Variants in RNF123 observed in about 807,000 individuals in gnomAD.
The protein encoded by RNF123 is E3 ubiquitin-protein ligase RNF123.
Under a neutral mutation model 168.5 loss-of-function variants are expected in RNF123, and 86 were observed. The ratio of observed to expected loss-of-function variants is 0.51; its 90% CI spans 0.43 to 0.61. The LOEUF is 0.61. Ranked by LOEUF, RNF123 falls within the 20% of genes least tolerant of loss-of-function variation. The pLI is 0.00. For missense variants in RNF123, 1,419 were observed against 1,729.7 expected, an observed-to-expected ratio of 0.82 and a Z score of 3.19; for synonymous variants, 666 against 689.1, an observed-to-expected ratio of 0.97 and a Z score of 0.52.
intron 31 of RNF123, among the ~76,000 whole-genome samples, chr3:49,715,259 T>C (rs1259426128): frequency 1.3e-5 from 2 of 152,236 alleles, no homozygotes; most frequent in Non-Finnish European, 2.9e-5. Flanking sequence ...TGACCCTATC[T>C]GAAGGGTGTG....
At position 49,716,512 on chromosome 3, in the gene RNF123, T is replaced by C. The variant is rs745931948; in HGVS notation, c.3500+35T>C. On this transcript the variant is annotated intron_variant, in intron 35 of 38. Coordinates refer to ENST00000327697, the MANE Select transcript of RNF123 (RefSeq NM_022064.5). ...GGGGACCGTGGGCCCCTGTGGGAGT[T>C]GGGTGTGTCTGGTGAGGAGGGGCTG... The C allele has an allele frequency of 9.5e-6, 15 of 1,579,568 alleles. No individual in the cohort carries two copies. In the Admixed American group the frequency reaches 2.0e-4, roughly 21 times the overall value.
In RNF123 at chr3:49,712,828, C is replaced by T. The variant is rs77208503; in HGVS notation, c.2674+172C>T. The T allele has an allele frequency of 6.6e-3, 5,042 of 763,792 alleles. 174 individuals carry two copies. The African/African-American group carries it at 0.074, about 11-fold the overall frequency. 47.3% of individuals were successfully genotyped at this position (763,792 alleles called of 1,614,324 possible). A position where few individuals can be genotyped will look rare whatever the true frequency, so the allele number is the denominator to read the frequency against. On this transcript the variant is annotated intron_variant, in intron 27 of 38. Coordinates refer to ENST00000327697, the MANE Select transcript of RNF123 (RefSeq NM_022064.5). ...CAGCAAACAAACGTCTGCACCCTGCCCTGGGACCTGCAGCCACAGAGCCAA... is the reference window on the plus strand; with the variant it reads ...CAGCAAACAAACGTCTGCACCCTGCTCTGGGACCTGCAGCCACAGAGCCAA...
intron 35 of RNF123, chr3:49,719,506 G>T: frequency 6.6e-7 from 1 of 1,524,992 alleles, no homozygotes; most frequent in South Asian, 1.2e-5. Context: ...GCTCTGTGCA[G>T]GTTGCAGTTC....
At chr3:49,706,631 T>C (rs1575531351) in intron 25 of RNF123, among the ~76,000 whole-genome samples, 160 bp from the exon 26 acceptor site, 1 of 152,156 alleles carries the variant, frequency 6.6e-6, no homozygotes, top group Non-Finnish European at 1.5e-5. Context: ...TGGCTCAGGG[T>C]CACCAGAGGG....
rs2080362071 is a variant in RNF123, at chr3:49,720,048, G to C, written c.3501-463G>C. 1.9e-5 allele frequency: 3 copies of C among 159,806 alleles called. No individual in the cohort carries two copies. In the South Asian group the frequency reaches 5.3e-4, roughly 28 times the overall value. 9.9% of individuals were successfully genotyped at this position (159,806 alleles called of 1,614,324 possible). A position where few individuals can be genotyped will look rare whatever the true frequency, so the allele number is the denominator to read the frequency against. Reference sequence around the variant, plus strand: ...GTGGTACCCCAGGCCGGGCGCGGTGGCTCACGCCTGTAATCCCAGCACTTT... The same window carrying C: ...GTGGTACCCCAGGCCGGGCGCGGTGCCTCACGCCTGTAATCCCAGCACTTT... On this transcript the variant is annotated intron_variant, in intron 35 of 38. Transcript: ENST00000327697.
At chr3:49,698,358 T>C in intron 7 of RNF123, 82 bp from the exon 8 acceptor site, 1 of 1,173,024 alleles carries the variant, frequency 8.5e-7, no homozygotes, top group Non-Finnish European at 1.3e-6. Flanking sequence ...TAGAGCCATA[T>C]GCATCCAAGG....
At chr3:49,706,665 A>G in intron 25 of RNF123, 126 bp from the exon 26 acceptor site, 1 of 785,826 alleles carries the variant, frequency 1.3e-6, no homozygotes, top group Non-Finnish European at 2.1e-6. Flanking sequence ...AAGGTTTTGA[A>G]AAATGGAGCC....
At position 49,701,406 on chromosome 3, in the gene RNF123, T is replaced by C. The variant is rs2054381023; in HGVS notation, c.1278-85T>C. 4.8e-6 allele frequency: 5 copies of C among 1,049,136 alleles called. No homozygotes were observed. In the East Asian group the frequency reaches 7.1e-5, roughly 15 times the overall value. 65.0% of individuals were successfully genotyped at this position (1,049,136 alleles called of 1,614,324 possible). On this transcript the variant is annotated intron_variant, in intron 15 of 38. Coordinates refer to ENST00000327697, the MANE Select transcript of RNF123 (RefSeq NM_022064.5). Reference sequence around the variant, plus strand: ...TGGTGGGAGAGCTGTGGTAGGCACATCCAGGGATGGGCTCCTGGGGAAGGA... The same window carrying C: ...TGGTGGGAGAGCTGTGGTAGGCACACCCAGGGATGGGCTCCTGGGGAAGGA...
At chr3:49,701,204 G>A (rs1355318063) in intron 15 of RNF123, among the ~76,000 whole-genome samples, 2 of 152,216 alleles carry the variant, frequency 1.3e-5, no homozygotes, top group African/African-American at 4.8e-5. Flanking sequence ...TCAGAGTTGG[G>A]GCCTGAGAAA....
intron 26 of RNF123, 146 bp downstream of exon 26, chr3:49,707,044 A>G (rs1221212402): frequency 4.5e-6 from 3 of 666,344 alleles, no homozygotes; most frequent in Admixed American, 2.3e-5. Context: ...CCATCACCCC[A>G]TGCCATGTCC....
At chr3:49,713,052 G>C (rs2080173915) in intron 27 of RNF123, 8 of 644,042 alleles carry the variant, frequency 1.2e-5, no homozygotes, top group South Asian at 1.0e-4. Flanking sequence ...ATCACAGCAG[G>C]GGGTGGACCC....
In RNF123 at chr3:49,699,571, C is replaced by T. The variant is rs370283169; in HGVS notation, c.868C>T (p.Leu290=). 1.2e-6 allele frequency: 2 copies of T among 1,613,346 alleles called. No individual in the cohort carries two copies. The highest frequency in any genetic ancestry group is 2.2e-5 in the South Asian group (2 of 91,022). ...CTTCCGGGCAGTGCTGAGTGTGGAG[C>T]TGGACCCTGTGGTGAGCTGGGGTCT... The part of the protein sequence containing the change: ...GCFRAVLSVE[L]DPVEGRLLDK... The change falls in exon 11 of 39, where the codon CTG becomes TTG. Residue 290 remains leucine (L), a synonymous_variant. Transcript: ENST00000327697. The surrounding 1 kb of genome is among the most constrained non-coding windows in gnomAD (Gnocchi z 4.8).
rs765854996 is a variant in RNF123, at chr3:49,705,545, C to T, written c.2170C>T (p.His724Tyr). Residue 724 changes from histidine to tyrosine, a missense_variant, in exon 24 of 39, where the codon CAC becomes TAC. Around this residue, in one of 5 missense-constraint regions of RNF123, gnomAD observed 538 missense variants for 708.8 expected, o/e 0.76. Coordinates refer to ENST00000327697, the MANE Select transcript of RNF123 (RefSeq NM_022064.5). ...CCCCAACTCCCCAGTTGAAGGCAGC[C>T]ACTGGAATGAGGGCTTGCTGCTGGG... ...QRTREDIEGS[H>Y]WNEGLLLGRP... The T allele has an allele frequency of 3.1e-6, 5 of 1,597,248 alleles. No individual in the cohort carries two copies.
intron 5 of RNF123, 36 bp downstream of exon 5, chr3:49,697,493 C>T (rs2054292103): frequency 6.7e-7 from 1 of 1,485,432 alleles, no homozygotes; most frequent in East Asian, 2.3e-5. Flanking sequence ...CCAGGTCCAG[C>T]CCCTTCTGAC....
intron 35 of RNF123, chr3:49,718,894 G>A (rs1442699002): frequency 3.7e-6 from 6 of 1,613,688 alleles, no homozygotes; most frequent in Admixed American, 1.7e-5. Context: ...CCGGTTGGAG[G>A]AGAGGTCCAG....
At chr3:49,704,425 G>C (rs2054470620) in intron 21 of RNF123, among the ~76,000 whole-genome samples, 1 of 152,180 alleles carries the variant, frequency 6.6e-6, no homozygotes, top group South Asian at 2.1e-4. Context: ...AGAAGGGTGT[G>C]ATGGGGAAGG....
chr3:49,719,206 A>G (rs769426396), intron 35 of RNF123: 2 of 1,613,238 alleles, frequency 1.2e-6, no homozygotes, highest in Non-Finnish European at 1.7e-6. Context: ...CAGGGCGCGC[A>G]GCTGGAAGAG....
At chr3:49,719,355 T>G in intron 35 of RNF123, 7 of 1,613,444 alleles carry the variant, frequency 4.3e-6, no homozygotes, top group Non-Finnish European at 5.9e-6. Flanking sequence ...CGCAGATACA[T>G]TTGTAGGGGC....
chr3:49,695,460 G>C (rs1006814333), intron 3 of RNF123, among the ~76,000 whole-genome samples: 1 of 152,198 alleles, frequency 6.6e-6, no homozygotes, highest in African/African-American at 2.4e-5. Context: ...TCAGAGATGG[G>C]GTTGGCTTTA....
Sources: allele counts gnomAD v4.1 joint callset (sites outside exome capture counted in the v4.1 genomes callset), GRCh38; gene constraint gnomAD v4.1.1; regional missense constraint gnomAD v4.1.1; non-coding constraint Gnocchi (gnomAD v3.1); transcripts MANE v1.5; gene names NCBI Gene and HGNC (gene_info 2026-07-23, HGNC 2026-07-21).